The following BRINP3 variants were observed in gnomAD, a reference collection of about 807,000 sequenced individuals.
BRINP3 encodes the protein BMP/retinoic acid-inducible neural-specific protein 3.
BRINP3 carries 19 observed loss-of-function variants against 71.0 expected under a neutral mutation model. That is an observed-to-expected ratio of 0.27 (90% confidence interval 0.19 to 0.39). The LOEUF is 0.39. Among genes scored for constraint, BRINP3 ranks in the 10% least tolerant of loss-of-function variants. The probability of loss-of-function intolerance (pLI) is 1.00; values close to 1 mark genes in which losing one functional copy is unlikely to be tolerated. For missense variants in BRINP3, 959 were observed against 940.8 expected (o/e 1.02, Z -0.25); for synonymous variants, 380 against 337.7 (o/e 1.13, Z -1.37).
At chr1:190,412,746 G>A (rs1672774394) in intron 2 of BRINP3, among the ~76,000 whole-genome samples, 1 of 152,002 alleles carries the variant, frequency 6.6e-6, no homozygotes, top group Non-Finnish European at 1.5e-5. Context: ...ACAGGCGTGA[G>A]TATGTAGTAC....
chr1:190,442,665 T>TGA (rs1023144375), intron 2 of BRINP3, among the ~76,000 whole-genome samples: 1 of 152,066 alleles, frequency 6.6e-6, no homozygotes, highest in Admixed American at 6.6e-5. Context: ...TGTGTGTGTG[T>TGA]GATTACGTGT....
intron 2 of BRINP3, among the ~76,000 whole-genome samples, chr1:190,292,215 G>A (rs1179538159): frequency 1.3e-5 from 2 of 152,116 alleles, no homozygotes; most frequent in Non-Finnish European, 2.9e-5. Flanking sequence ...AGAAGTTCAA[G>A]AGGTCCATTG....
At chr1:190,180,094 C>G (rs1652896316) in intron 6 of BRINP3, among the ~76,000 whole-genome samples, 1 of 152,022 alleles carries the variant, frequency 6.6e-6, no homozygotes, top group Non-Finnish European at 1.5e-5. Context: ...GCAAATAACC[C>G]AACATGCCTT....
chr1:190,257,402 AT>A (rs548251732), intron 4 of BRINP3, among the ~76,000 whole-genome samples: 3 of 151,836 alleles, frequency 2.0e-5, no homozygotes, highest in Non-Finnish European at 4.4e-5. Flanking sequence ...CTTTTTTCAA[AT>A]TTTTTAGCTT....
intron 7 of BRINP3, among the ~76,000 whole-genome samples, chr1:190,118,049 G>T (rs1337828935): frequency 1.3e-5 from 2 of 151,800 alleles, no homozygotes; most frequent in Admixed American, 6.6e-5. Flanking sequence ...TATGTTTTTG[G>T]GCAAAGGGTA....
At chr1:190,229,537 G>C (rs965698386) in intron 5 of BRINP3, among the ~76,000 whole-genome samples, 1 of 151,674 alleles carries the variant, frequency 6.6e-6, no homozygotes, top group Non-Finnish European at 1.5e-5. Flanking sequence ...GTTCTGCCCA[G>C]AACAAAGTAC....
chr1:190,363,886 A>G (rs1299674354), intron 2 of BRINP3, among the ~76,000 whole-genome samples: 1 of 152,166 alleles, frequency 6.6e-6, no homozygotes, highest in East Asian at 1.9e-4. Context: ...ATGGGCTGCA[A>G]CTTTCAATGG....
chr1:190,160,933 A>AT, intron 6 of BRINP3, 43 bp from the exon 7 acceptor site: 9 of 1,446,766 alleles, frequency 6.2e-6, no homozygotes, highest in Non-Finnish European at 8.6e-6. Context: ...TGAAACAATT[A>AT]TTTTTTGTTT....
Position 190,280,367 on chromosome 1 carries a change from A to C in BRINP3, c.427+1193T>G, listed in dbSNP as rs567020669. On this transcript the variant is annotated intron_variant, in intron 3 of 7. Transcript: ENST00000367462. ...AGGGAGACACTTAGATTTTATTTTA[A>C]GTGGCCAGTTCTAGGTTTCAGTTAA... Among the ~76,000 whole-genome samples the C allele has an allele frequency of 6.1e-4, 93 of 152,008 alleles. 1 individual carries two copies. Among genetic ancestry groups the C allele is most frequent in the African/African-American group, 2.1e-3 (88 of 41,526 alleles).
rs183030996 is a variant in BRINP3, at chr1:190,142,154, A to G, written c.1184+18514T>C. 7.9e-5 allele frequency among the ~76,000 whole-genome samples: 12 copies of G among 152,290 alleles called. No individual in the cohort carries two copies. The East Asian group carries it at 2.3e-3, about 29-fold the overall frequency. On this transcript the variant is annotated intron_variant, in intron 7 of 7. Coordinates refer to ENST00000367462, the MANE Select transcript of BRINP3 (RefSeq NM_199051.3). ...GATGAATTAGACTTTATTAATGGCA[A>G]TCCACATTCTGGTTGGCCACATTTA...
chr1:190,386,418 A>G (rs867613954), intron 2 of BRINP3, among the ~76,000 whole-genome samples: 1 of 151,626 alleles, frequency 6.6e-6, no homozygotes, highest in African/African-American at 2.4e-5. Flanking sequence ...ACCAGATTTT[A>G]AAAAAATGTA....
intron 2 of BRINP3, among the ~76,000 whole-genome samples, chr1:190,344,497 T>C (rs1034347559): frequency 6.6e-6 from 1 of 151,876 alleles, no homozygotes; most frequent in African/African-American, 2.4e-5. Context: ...GATTGTCTAT[T>C]ACTATTTTCA....
chr1:190,256,863 G>T (rs1660707880), intron 4 of BRINP3, among the ~76,000 whole-genome samples: 1 of 152,164 alleles, frequency 6.6e-6, no homozygotes, highest in South Asian at 2.1e-4. Context: ...ACTTCTTTTA[G>T]TCTGACGTGC....
intron 4 of BRINP3, among the ~76,000 whole-genome samples, chr1:190,243,075 C>A (rs1659263052): frequency 6.6e-6 from 1 of 152,074 alleles, no homozygotes; most frequent in African/African-American, 2.4e-5. Flanking sequence ...GTGAGAGAGA[C>A]TATGCTAATT....
At position 190,264,884 on chromosome 1, in the gene BRINP3, A is replaced by G; in HGVS notation, c.599T>C (p.Ile200Thr). Residue 200 changes from isoleucine to threonine, a missense_variant, in exon 4 of 8, where the codon ATT becomes ACT. Physicochemically the swap from Ile to Thr is moderately conservative, Grantham distance 89 (BLOSUM62 -1). Coordinates refer to ENST00000367462, the MANE Select transcript of BRINP3 (RefSeq NM_199051.3). ...STLRRLHHIQ[I>T]ASTAIKVTET... ...TCTTACCTTTATGGCAGTGGATGCAATTTGAATGTGGTGAAGTCTCCGAAG... is the reference window on the plus strand; with the variant it reads ...TCTTACCTTTATGGCAGTGGATGCAGTTTGAATGTGGTGAAGTCTCCGAAG... The G allele has an allele frequency of 6.2e-7, 1 of 1,613,294 alleles. No individual in the cohort carries two copies. The highest frequency in any genetic ancestry group is 1.3e-5 in the African/African-American group (1 of 74,992).
rs143659543 is a variant in BRINP3, at chr1:190,360,537, T to G, written c.237-78787A>C. 4.0e-4 allele frequency among the ~76,000 whole-genome samples: 61 copies of G among 152,296 alleles called. 2 individuals carry two copies. The highest frequency in any genetic ancestry group is 1.2e-3 in the Admixed American group (19 of 15,268). ...GAGAGTGCGTTACATATGAATTCTT[T>G]CATTAACTTTTTTCTGAATAATTCA... is the stretch of plus-strand genomic sequence containing the variant. On this transcript the variant is annotated intron_variant, in intron 2 of 7. Transcript: ENST00000367462.
intron 6 of BRINP3, among the ~76,000 whole-genome samples, chr1:190,191,001 T>A (rs975849135): frequency 3.9e-5 from 6 of 152,134 alleles, no homozygotes; most frequent in African/African-American, 1.4e-4. Context: ...AAAGCGATAA[T>A]GAGGATAGTT....
intron 1 of BRINP3, among the ~76,000 whole-genome samples, chr1:190,470,874 G>C (rs1176165382): frequency 6.6e-6 from 1 of 151,078 alleles, no homozygotes; most frequent in East Asian, 1.9e-4. Flanking sequence ...TCATAATTGA[G>C]TTATTGCAAT....
At chr1:190,211,576 A>G (rs1249037408) in intron 6 of BRINP3, among the ~76,000 whole-genome samples, 1 of 152,136 alleles carries the variant, frequency 6.6e-6, no homozygotes, top group Non-Finnish European at 1.5e-5. Flanking sequence ...AGCACATTGC[A>G]ATAGCTTTTA....
Sources: gnomAD v4.1 joint callset for allele counts (sites outside exome capture counted in the v4.1 genomes callset) on GRCh38, gnomAD v4.1.1 for gene constraint, MANE v1.5 for transcripts, NCBI Gene and HGNC (gene_info 2026-07-23, HGNC 2026-07-21) for gene names.